The following KICS2 variants were observed in gnomAD, a reference collection of about 807,000 sequenced individuals.
KICS2 encodes KICSTOR complex protein C12orf66.
KICS2 carries 13 observed loss-of-function variants against 31.4 expected under a neutral mutation model. The observed-to-expected ratio is 0.41, with a 90% CI of 0.27 to 0.66. The LOEUF is 0.66. Among genes scored for constraint, KICS2 ranks in the 30% least tolerant of loss-of-function variants. The probability of loss-of-function intolerance (pLI) is 0.28; values close to 1 mark genes in which losing one functional copy is unlikely to be tolerated. For missense variants in KICS2, 455 were observed against 545.4 expected, an observed-to-expected ratio of 0.83 and a Z score of 1.65; for synonymous variants, 209 against 214.8, an observed-to-expected ratio of 0.97 and a Z score of 0.24.
At chr12:64,219,818 T>C (rs1005183719) in intron 1 of KICS2, among the ~76,000 whole-genome samples, 6 of 152,236 alleles carry the variant, frequency 3.9e-5, no homozygotes, top group Non-Finnish European at 8.8e-5. Flanking sequence ...AGAATTGTTT[T>C]AAATTTTTTA....
downstream of KICS2, among the ~76,000 whole-genome samples, chr12:64,190,692 AGAGCTATGATCATGCCACT>A (rs948510033): frequency 2.0e-5 from 3 of 151,946 alleles, no homozygotes; most frequent in African/African-American, 7.3e-5. Context: ...AAAGCTGCAG[AGAGCTATGATCATGCCACT>A]GTACTCCAGC....
At chr12:64,204,487 A>C (rs1397940620) in intron 2 of KICS2, among the ~76,000 whole-genome samples, 2 of 152,236 alleles carry the variant, frequency 1.3e-5, no homozygotes, top group African/African-American at 4.8e-5. Flanking sequence ...TTTTAGAATG[A>C]ACACTAAGAA....
chr12:64,221,699 T>C, intron 1 of KICS2: 1 of 468,818 alleles, frequency 2.1e-6, no homozygotes, highest in Non-Finnish European at 3.9e-6. Flanking sequence ...GAAGACATAG[T>C]TTGGTTAACT....
chr12:64,187,685 T>TA, downstream of KICS2: 2 of 1,525,970 alleles, frequency 1.3e-6, no homozygotes, highest in Non-Finnish European at 1.8e-6. Context: ...ATTGCTAAAT[T>TA]AAATTAAACC....
downstream of KICS2, among the ~76,000 whole-genome samples, chr12:64,189,579 T>C (rs2037363737): frequency 1.3e-5 from 2 of 152,214 alleles, 1 homozygote; most frequent in South Asian, 4.1e-4. Flanking sequence ...AGATTGTTGT[T>C]CTTTTTAATC....
In KICS2 at chr12:64,192,883, C is replaced by A. The variant is rs965121341; in HGVS notation, c.*959G>T. On this transcript the variant is annotated 3_prime_UTR_variant, in exon 3 of 3. Coordinates refer to ENST00000398055, the MANE Select transcript of KICS2 (RefSeq NM_152440.5). ...CTCAACTATGAAGAGGTCTTTCAAG[C>A]GCACAGTTGATTTTTAGCAAGTACA... is the stretch of plus-strand genomic sequence containing the variant. 14 of 985,290 alleles carry A rather than the reference C, an allele frequency of 1.4e-5. No individual in the cohort carries two copies. Among genetic ancestry groups the A allele is most frequent in the Non-Finnish European group, 4.8e-6 (4 of 829,938 alleles). The allele number at this position is 985,290 out of a possible 1,614,324, so 61.0% of individuals were successfully genotyped here.
chr12:64,199,903 GAAGGACCTCTTC>G (rs1348712743), intron 2 of KICS2, among the ~76,000 whole-genome samples: 2 of 82,696 alleles, frequency 2.4e-5, no homozygotes, highest in East Asian at 7.8e-4. Flanking sequence ...CAAGGGATGT[GAAGGACCTCTTC>G]AAGGAGAACT....
downstream of KICS2, chr12:64,186,427 G>A (rs1262898568): frequency 1.3e-5 from 2 of 152,070 alleles, no homozygotes; most frequent in Non-Finnish European, 2.9e-5. Flanking sequence ...GGAGCAAAAG[G>A]AATCAAACAA....
intron 2 of KICS2, among the ~76,000 whole-genome samples, chr12:64,197,198 G>C (rs2037448564): frequency 7.1e-6 from 1 of 141,450 alleles, no homozygotes; most frequent in Non-Finnish European, 1.5e-5. Flanking sequence ...GGCAGCCAGA[G>C]AGAAAGGTCG....
At chr12:64,187,727 G>GT (rs2136681938), downstream of KICS2, 2 of 1,229,116 alleles carry the variant, frequency 1.6e-6, no homozygotes, top group South Asian at 1.4e-5. Context: ...CACATAGCAT[G>GT]TTTTTTGTTT....
chr12:64,211,559 C>A (rs74381773), intron 2 of KICS2, among the ~76,000 whole-genome samples: 5,129 of 152,046 alleles, frequency 0.034, 297 homozygotes, highest in African/African-American at 0.12. Context: ...GCGGAAGTTG[C>A]GGTGAGCCAA....
At chr12:64,189,978 A>G (rs993461176), downstream of KICS2, among the ~76,000 whole-genome samples, 1 of 152,212 alleles carries the variant, frequency 6.6e-6, no homozygotes, top group African/African-American at 2.4e-5. Flanking sequence ...GGAAAAAAAA[A>G]GAAATCATAA....
chr12:64,212,175 T>C (rs753641704), intron 2 of KICS2, among the ~76,000 whole-genome samples: 14 of 152,236 alleles, frequency 9.2e-5, no homozygotes, highest in Non-Finnish European at 1.5e-4. Context: ...AATTATTTCA[T>C]GTACCAACCT....
chr12:64,218,317 A>G (rs916775260), intron 1 of KICS2, among the ~76,000 whole-genome samples: 4 of 152,202 alleles, frequency 2.6e-5, no homozygotes, highest in Non-Finnish European at 5.9e-5. Context: ...TGGAGGTCTG[A>G]AAGACTTGGT....
rs2037401048 is a variant in KICS2, at chr12:64,193,482, C to T, written c.*360G>A. On this transcript the variant is annotated 3_prime_UTR_variant, in exon 3 of 3. Coordinates refer to ENST00000398055, the MANE Select transcript of KICS2 (RefSeq NM_152440.5). Reference sequence around the variant, plus strand: ...TCCAAGAAGGAGGGAAACAGAGAGGCTGTTTGGAATTGCAGTAGAACACAA... The same window carrying T: ...TCCAAGAAGGAGGGAAACAGAGAGGTTGTTTGGAATTGCAGTAGAACACAA... 9.8e-7 allele frequency: 1 copy of T among 1,015,600 alleles called. No homozygotes were observed. The highest frequency in any genetic ancestry group is 1.7e-5 in the African/African-American group (1 of 58,126). The allele number at this position is 1,015,600 out of a possible 1,614,324, so 62.9% of individuals were successfully genotyped here.
rs150272516 is a variant in KICS2 at position 64,216,091 on chromosome 12, CTCTG to C, written c.236-132_236-129del. 1,529 of 644,840 alleles carry C rather than the reference CTCTG, an allele frequency of 2.4e-3. 23 individuals carry two copies. In the African/African-American group the frequency reaches 0.03, roughly 12 times the overall value. 39.9% of individuals were successfully genotyped at this position (644,840 alleles called of 1,614,324 possible). A position where few individuals can be genotyped will look rare whatever the true frequency, so the allele number is the denominator to read the frequency against. ...TCAGTAAGTTTTCATCTACCATATT[CTCTG>C]TCTATGATTGAGATATAAATACTTT... On this transcript the variant is annotated intron_variant, in intron 1 of 2. Coordinates refer to ENST00000398055, the MANE Select transcript of KICS2 (RefSeq NM_152440.5).
chr12:64,221,111 G>A (rs1252844249), intron 1 of KICS2, among the ~76,000 whole-genome samples: 3 of 84,068 alleles, frequency 3.6e-5, no homozygotes, highest in African/African-American at 1.1e-4. Context: ...TTAGGGAACG[G>A]GGGGGGGTGG....
chr12:64,197,510 A>G (rs2136691112), intron 2 of KICS2, among the ~76,000 whole-genome samples: 1 of 151,696 alleles, frequency 6.6e-6, no homozygotes, highest in South Asian at 2.1e-4. Context: ...CAAAATGTAA[A>G]GACCATCGAG....
At chr12:64,189,732 C>T (rs699637), downstream of KICS2, among the ~76,000 whole-genome samples, 150,173 of 152,320 alleles carry the variant, frequency 0.99, 74,063 homozygotes, top group Middle Eastern at 1. Context: ...CATAAAAACA[C>T]TGGGCAAAAT....
Sources: gnomAD v4.1 joint callset for allele counts (sites outside exome capture counted in the v4.1 genomes callset) on GRCh38, gnomAD v4.1.1 for gene constraint, MANE v1.5 for transcripts, NCBI Gene and HGNC (gene_info 2026-07-23, HGNC 2026-07-21) for gene names.